SEC16A: variants seen among roughly 807,000 people sequenced by gnomAD.
The protein encoded by SEC16A is SEC16 homolog A, endoplasmic reticulum export factor.
In SEC16A, 110 loss-of-function variants were observed where a neutral mutation model predicts 221.9. The observed-to-expected ratio is 0.50, with a 90% CI of 0.42 to 0.58. The LOEUF (loss-of-function observed/expected upper bound fraction) is 0.58, where lower values mean the gene tolerates loss of function less well. Ranked by LOEUF, SEC16A falls within the 20% of genes least tolerant of loss-of-function variation. The pLI, the probability that SEC16A is intolerant of heterozygous loss-of-function variation, is 0.00. For synonymous variants in SEC16A, 1,393 were observed against 1,257.7 expected, an observed-to-expected ratio of 1.11 and a Z score of -2.28; for missense variants, 3,165 against 3,097.8, an observed-to-expected ratio of 1.02 and a Z score of -0.52.
chr9:136,466,877 AACCCAG>A lies in SEC16A; in HGVS notation c.3929+74_3929+79del. The A allele has an allele frequency of 6.7e-7, 1 of 1,493,220 alleles. No homozygotes were observed. The highest frequency in any genetic ancestry group is 9.0e-7 in the Non-Finnish European group (1 of 1,116,118). 92.5% of individuals were successfully genotyped at this position (1,493,220 alleles called of 1,614,324 possible). ...CCAAACTACCACAGCTCTTTGTTAA[AACCCAG>A]ACATGAGGGCAGAGAAGCACTAGCG... is the stretch of plus-strand genomic sequence containing the variant. On this transcript the variant is annotated intron_variant, in intron 6 of 31. Coordinates refer to ENST00000684901, the MANE Select transcript of SEC16A (RefSeq NM_014866.2). The surrounding 1 kb of genome is among the most constrained non-coding windows in gnomAD (Gnocchi z 5.5).
In SEC16A at chr9:136,474,347, T is replaced by C. The variant is rs762707671; in HGVS notation, c.3269A>G (p.Gln1090Arg). 6.9e-5 allele frequency: 111 copies of C among 1,612,662 alleles called. No homozygotes were observed. Among genetic ancestry groups the C allele is most frequent in the Non-Finnish European group, 8.8e-5 (104 of 1,179,750 alleles). Residue 1090 changes from glutamine (Q) to arginine (R), a missense_variant, in exon 3 of 32, where the codon CAG becomes CGG. Physicochemically the swap from Gln to Arg is conservative, Grantham distance 43. Transcript: ENST00000684901. Reference sequence around the variant, plus strand: ...CTGTGCTGAGTTCTGGGCCTGTCCCTGTGCGGGCAGACTTTCTGGATTTGA... The same window carrying C: ...CTGTGCTGAGTTCTGGGCCTGTCCCCGTGCGGGCAGACTTTCTGGATTTGA... ...ELSNPESLPA[Q>R]GQAQNSAQSP...
chr9:136,455,568 G>A (rs755690112), intron 20 of SEC16A, 33 bp downstream of exon 20: 2 of 1,516,602 alleles, frequency 1.3e-6, no homozygotes, highest in East Asian at 4.9e-5. Flanking sequence ...GCAGGGGCTT[G>A]TCTGAGGGCA....
In SEC16A at chr9:136,475,574, G is replaced by A; in HGVS notation, c.2042C>T (p.Ser681Phe). 6.2e-7 allele frequency: 1 copy of A among 1,613,484 alleles called. No individual in the cohort carries two copies. The highest frequency in any genetic ancestry group is 8.5e-7 in the Non-Finnish European group (1 of 1,179,774). Residue 681 changes from serine (S) to phenylalanine (F), a missense_variant, in exon 3 of 32, where the codon TCC becomes TTC. By Grantham distance (155) the Ser-to-Phe change is radical (BLOSUM62 -2). Coordinates refer to ENST00000684901, the MANE Select transcript of SEC16A (RefSeq NM_014866.2). This position sits in a 1 kb window ranked among gnomAD's most constrained non-coding sequence, Gnocchi z 5.0. Reference protein sequence around the residue: ...APQVCPLPLNSTTEAVHMLPH... With the variant: ...APQVCPLPLNFTTEAVHMLPH... ...AAGCATGTGCACAGCTTCCGTGGTG[G>A]AGTTAAGAGGCAGGGGACAGACCTG...
At chr9:136,455,330 C>T (rs1278780713) in intron 20 of SEC16A, among the ~76,000 whole-genome samples, 6 of 152,102 alleles carry the variant, frequency 3.9e-5, no homozygotes, top group Non-Finnish European at 8.8e-5. Flanking sequence ...GCTGAGCAGG[C>T]AGCGGGCGCT....
intron 13 of SEC16A, 62 bp from the exon 14 acceptor site, chr9:136,460,185 G>A (rs368799985): frequency 5.6e-5 from 76 of 1,349,476 alleles, no homozygotes; most frequent in Middle Eastern, 1.8e-4. Flanking sequence ...AAAGCCGGCC[G>A]GACATGATGG....
chr9:136,468,612 A>C, intron 4 of SEC16A, 100 bp from the exon 5 acceptor site: 1 of 724,320 alleles, frequency 1.4e-6, no homozygotes, highest in Non-Finnish European at 2.4e-6. Context: ...GCATTCATCA[A>C]AGCACTTTGG....
chr9:136,482,996 G>C lies in SEC16A; in HGVS notation c.-250C>G. The C allele has an allele frequency of 1.0e-6, 1 of 985,210 alleles. No homozygotes were observed. Among genetic ancestry groups the C allele is most frequent in the Non-Finnish European group, 1.2e-6 (1 of 829,872 alleles). 61.0% of individuals were successfully genotyped at this position (985,210 alleles called of 1,614,324 possible). A position where few individuals can be genotyped will look rare whatever the true frequency, so the allele number is the denominator to read the frequency against. ...GGGCGAAAGCCCACCCGACGCTGGC[G>C]ACGAGCACAGACACCTCAGCCGCCG... On this transcript the variant is annotated 5_prime_UTR_variant, in exon 1 of 32. Coordinates refer to ENST00000684901, the MANE Select transcript of SEC16A (RefSeq NM_014866.2).
chr9:136,443,721 GAA>G, intron 31 of SEC16A, 100 bp downstream of exon 31: 1 of 767,786 alleles, frequency 1.3e-6, no homozygotes, highest in South Asian at 1.6e-5. Flanking sequence ...TAAAAAGAAA[GAA>G]AAAGAGGATC....
chr9:136,462,771 T>G, intron 12 of SEC16A, 116 bp downstream of exon 12: 1 of 1,191,962 alleles, frequency 8.4e-7, no homozygotes, highest in East Asian at 2.5e-5. Flanking sequence ...AGCCCCACAC[T>G]GCAGCGCGGA....
At chr9:136,443,451 G>A (rs961958837) in intron 31 of SEC16A, among the ~76,000 whole-genome samples, 1 of 152,224 alleles carries the variant, frequency 6.6e-6, no homozygotes, top group Non-Finnish European at 1.5e-5. Flanking sequence ...TTGGGAAGCC[G>A]AGGTGGGAAG....
In SEC16A at chr9:136,466,922, C is replaced by T; in HGVS notation, c.3929+35G>A. ...GAAGCACTAGCGCGCCCTGGCTGCC[C>T]CCAGCCTCTGCCTCCCCAGGGGTGC... On this transcript the variant is annotated intron_variant, in intron 6 of 31. Transcript: ENST00000684901. This position sits in a 1 kb window ranked among gnomAD's most constrained non-coding sequence, Gnocchi z 5.5. 6.2e-7 allele frequency: 1 copy of T among 1,600,658 alleles called. No homozygotes were observed. Among genetic ancestry groups the T allele is most frequent in the South Asian group, 1.1e-5 (1 of 89,462 alleles).
intron 1 of SEC16A, among the ~76,000 whole-genome samples, chr9:136,479,299 G>A (rs990212583): frequency 1.1e-4 from 17 of 152,128 alleles, no homozygotes; most frequent in Non-Finnish European, 2.5e-4. Context: ...AAACAGATAA[G>A]TTTAGCCAAT....
At chr9:136,484,641 C>T (rs746120322), upstream of SEC16A, 5 of 1,364,978 alleles carry the variant, frequency 3.7e-6, no homozygotes, top group Non-Finnish European at 4.9e-6. Context: ...GCTGGGCCGG[C>T]GGCTGGTGAG....
At position 136,474,639 on chromosome 9, in the gene SEC16A, C is replaced by T. The variant is rs11788702; in HGVS notation, c.2977G>A (p.Ala993Thr). The T allele has an allele frequency of 4.5e-3, 7,271 of 1,613,404 alleles. 27 individuals carry two copies. The highest frequency in any genetic ancestry group is 5.5e-3 in the Non-Finnish European group (6,465 of 1,179,834). ...GTCCTGCTTAAGGTAAAGTCTAGGGCTCCGTAAGTGTCTTCCTGATGACTG... is the reference window on the plus strand; with the variant it reads ...GTCCTGCTTAAGGTAAAGTCTAGGGTTCCGTAAGTGTCTTCCTGATGACTG... Reference protein sequence around the residue: ...HSSHQEDTYGALDFTLSRTLE... With the variant: ...HSSHQEDTYGTLDFTLSRTLE... Residue 993 changes from alanine (A) to threonine (T), a missense_variant, in exon 3 of 32, where the codon GCC becomes ACC. Around this residue, in one of 3 missense-constraint regions of SEC16A, gnomAD observed 2,030 missense variants for 1,923.1 expected, o/e 1.06. Transcript: ENST00000684901.
At position 136,459,370 on chromosome 9, in the gene SEC16A, A is replaced by G; in HGVS notation, c.5303+74T>C. On this transcript the variant is annotated intron_variant, in intron 16 of 31. Coordinates refer to ENST00000684901, the MANE Select transcript of SEC16A (RefSeq NM_014866.2). This position sits in a 1 kb window ranked among gnomAD's most constrained non-coding sequence, Gnocchi z 6.1. ...AAGACATGATTCTGGCCATTTCTGA[A>G]TTCACTAAAGGAGAAGGATTTTGTT... 7.1e-7 allele frequency: 1 copy of G among 1,416,228 alleles called. No homozygotes were observed. Among genetic ancestry groups the G allele is most frequent in the Non-Finnish European group, 9.8e-7 (1 of 1,023,244 alleles). 87.7% of individuals were successfully genotyped at this position (1,416,228 alleles called of 1,614,324 possible). A position where few individuals can be genotyped will look rare whatever the true frequency, so the allele number is the denominator to read the frequency against.
At chr9:136,462,471 T>C (rs1159225550) in intron 12 of SEC16A, among the ~76,000 whole-genome samples, 1 of 152,198 alleles carries the variant, frequency 6.6e-6, no homozygotes, top group African/African-American at 2.4e-5. Context: ...TTCCATGCAC[T>C]GCGCCTCTGA....
chr9:136,483,706 G>T, upstream of SEC16A: 1 of 985,540 alleles, frequency 1.0e-6, no homozygotes, highest in Non-Finnish European at 1.2e-6. Flanking sequence ...CACCGAGAAC[G>T]GCTACTCCGC....
At position 136,474,418 on chromosome 9, in the gene SEC16A, T is replaced by C; in HGVS notation, c.3198A>G (p.Gln1066=). The change falls in exon 3 of 32, where the codon CAA becomes CAG. Residue 1066 remains glutamine, a synonymous_variant. Transcript: ENST00000684901. ...RAQQELVPPQ[Q]QASPPQLPKA... Reference sequence around the variant, plus strand: ...TGGGTAGTTGTGGGGGAGAAGCCTGTTGCTGGGGTGGCACCAGCTCCTGCT... The same window carrying C: ...TGGGTAGTTGTGGGGGAGAAGCCTGCTGCTGGGGTGGCACCAGCTCCTGCT... 6.2e-7 allele frequency: 1 copy of C among 1,613,038 alleles called. No homozygotes were observed. The highest frequency in any genetic ancestry group is 1.1e-5 in the South Asian group (1 of 91,090).
rs1441239230 is a variant in SEC16A, at chr9:136,476,294, C to T, written c.1322G>A (p.Gly441Asp). The T allele has an allele frequency of 6.2e-7, 1 of 1,613,004 alleles. No individual in the cohort carries two copies. The highest frequency in any genetic ancestry group is 1.7e-5 in the Admixed American group (1 of 60,008). Residue 441 changes from glycine (G) to aspartate (D), a missense_variant, in exon 3 of 32, where the codon GGT (glycine) becomes GAT (aspartate). Transcript: ENST00000684901. ...CGGCACCCCTGTGCTCGCTGTGTCACCCCACACATCACCAGCAGCCTCATT... is the reference window on the plus strand; with the variant it reads ...CGGCACCCCTGTGCTCGCTGTGTCATCCCACACATCACCAGCAGCCTCATT... ...PSNEAAGDVW[G>D]DTASTGVPDA...
Sources: gnomAD v4.1 joint callset for allele counts (sites outside exome capture counted in the v4.1 genomes callset) on GRCh38, gnomAD v4.1.1 for gene constraint, gnomAD v4.1.1 regional missense constraint, Gnocchi (gnomAD v3.1) non-coding constraint, MANE v1.5 for transcripts, NCBI Gene and HGNC (gene_info 2026-07-23, HGNC 2026-07-21) for gene names.